TRDMT1: variants seen among roughly 807,000 people sequenced by gnomAD.
The protein encoded by TRDMT1 is tRNA (cytosine(38)-C(5))-methyltransferase.
Under a neutral mutation model 51.2 loss-of-function variants are expected in TRDMT1, and 49 were observed. The observed-to-expected ratio is 0.96, with a 90% CI of 0.76 to 1.21. The LOEUF (loss-of-function observed/expected upper bound fraction) is 1.21. Among genes scored for constraint, TRDMT1 ranks in the 50% most tolerant of loss-of-function variants. TRDMT1 has a pLI of 0.00. For synonymous variants in TRDMT1, 187 were observed against 164.6 expected (o/e 1.14, Z -1.04); for missense variants, 534 against 462.3 (o/e 1.16, Z -1.42).
At chr10:17,160,638 T>G (rs1840214942) in intron 5 of TRDMT1, among the ~76,000 whole-genome samples, 2 of 151,910 alleles carry the variant, frequency 1.3e-5, no homozygotes, top group South Asian at 4.1e-4. Flanking sequence ...GCCTGGCTAA[T>G]TTTTTTGTAT....
intron 1 of TRDMT1, among the ~76,000 whole-genome samples, chr10:17,187,545 C>T (rs1303005513): frequency 6.6e-6 from 1 of 152,096 alleles, no homozygotes; most frequent in Non-Finnish European, 1.5e-5. Context: ...TCCAAGGATA[C>T]AGTGGTGAAC....
chr10:17,157,540 A>G lies in TRDMT1; in HGVS notation c.788T>C (p.Val263Ala). The G allele has an allele frequency of 6.2e-7, 1 of 1,614,086 alleles. No homozygotes were observed. Among genetic ancestry groups the G allele is most frequent in the Non-Finnish European group, 8.5e-7 (1 of 1,179,948 alleles). Reference protein sequence around the residue: ...LKDFLEDDTDVNQYLLPPKSL... With the variant: ...LKDFLEDDTDANQYLLPPKSL... Reference sequence around the variant, plus strand: ...CTTTGGTGGTAAAAGATACTGGTTCACGTCAGTGTCATCTTCAAGAAAATC... The same window carrying G: ...CTTTGGTGGTAAAAGATACTGGTTCGCGTCAGTGTCATCTTCAAGAAAATC... Residue 263 changes from valine (V) to alanine (A), a missense_variant, in exon 8 of 11, where the codon GTG becomes GCG. By Grantham distance (64) the Val-to-Ala change is moderately conservative. Coordinates refer to ENST00000377799, the MANE Select transcript of TRDMT1 (RefSeq NM_004412.7).
In TRDMT1 at chr10:17,147,995, A is replaced by G; in HGVS notation, c.*1045T>C. ...CTGATTTTTAAGAAGAAAAATTTGAATTAAAATCTTGTAATATGATTTCTG... is the reference window on the plus strand; with the variant it reads ...CTGATTTTTAAGAAGAAAAATTTGAGTTAAAATCTTGTAATATGATTTCTG... On this transcript the variant is annotated 3_prime_UTR_variant, in exon 11 of 11. Coordinates refer to ENST00000377799, the MANE Select transcript of TRDMT1 (RefSeq NM_004412.7). 6 of 984,868 alleles carry G rather than the reference A, an allele frequency of 6.1e-6. No individual in the cohort carries two copies. The highest frequency in any genetic ancestry group is 7.2e-6 in the Non-Finnish European group (6 of 829,388). 61.0% of individuals were successfully genotyped at this position (984,868 alleles called of 1,614,324 possible). A position where few individuals can be genotyped will look rare whatever the true frequency, so the allele number is the denominator to read the frequency against.
chr10:17,144,825 T>A lies in TRDMT1; in HGVS notation c.*4215A>T. ...AAAAAATACTTTTTCTTTTTTTTTT[T>A]AAACTGAAGCTTTAAAATTTCACCA... On this transcript the variant is annotated 3_prime_UTR_variant, in exon 11 of 11. Coordinates refer to ENST00000377799, the MANE Select transcript of TRDMT1 (RefSeq NM_004412.7). 1.0e-6 allele frequency: 1 copy of A among 984,898 alleles called. No homozygotes were observed. The highest frequency in any genetic ancestry group is 1.2e-6 in the Non-Finnish European group (1 of 829,632). 61.0% of individuals were successfully genotyped at this position (984,898 alleles called of 1,614,324 possible). A position where few individuals can be genotyped will look rare whatever the true frequency, so the allele number is the denominator to read the frequency against.
chr10:17,150,493 A>C, intron 10 of TRDMT1: 1 of 985,402 alleles, frequency 1.0e-6, no homozygotes, highest in Non-Finnish European at 1.2e-6. Context: ...TATATGCTGG[A>C]AGAAGGCCTT....
chr10:17,173,613 G>A (rs762134694), intron 2 of TRDMT1, among the ~76,000 whole-genome samples: 3 of 152,070 alleles, frequency 2.0e-5, no homozygotes, highest in Non-Finnish European at 4.4e-5. Context: ...GATTGTGGTG[G>A]TAGTAGTTAC....
chr10:17,168,630 G>C (rs1466294643), intron 3 of TRDMT1, among the ~76,000 whole-genome samples: 1 of 152,122 alleles, frequency 6.6e-6, no homozygotes, highest in Non-Finnish European at 1.5e-5. Context: ...GTTCTATAAA[G>C]GGCAGTTTCC....
chr10:17,194,687 C>T (rs1361542156), intron 1 of TRDMT1, among the ~76,000 whole-genome samples: 1 of 152,120 alleles, frequency 6.6e-6, no homozygotes, highest in Non-Finnish European at 1.5e-5. Context: ...AATCCCAGCA[C>T]TTTGGGAGAA....
At position 17,148,683 on chromosome 10, in the gene TRDMT1, AAT is replaced by A. The variant is rs1273236190; in HGVS notation, c.*355_*356del. ...AAAAAACTTCTTTAATTAACATAAAAATATGTTATGCCTGTTATGACACTTCA... is the reference window on the plus strand; with the variant it reads ...AAAAAACTTCTTTAATTAACATAAAAATGTTATGCCTGTTATGACACTTCA... On this transcript the variant is annotated 3_prime_UTR_variant, in exon 11 of 11. Coordinates refer to ENST00000377799, the MANE Select transcript of TRDMT1 (RefSeq NM_004412.7). 1 of 976,820 alleles carries A rather than the reference AAT, an allele frequency of 1.0e-6. No homozygotes were observed. Among genetic ancestry groups the A allele is most frequent in the African/African-American group, 1.7e-5 (1 of 57,250 alleles). The allele number at this position is 976,820 out of a possible 1,614,324, so 60.5% of individuals were successfully genotyped here.
intron 1 of TRDMT1, chr10:17,201,229 C>CCGT: frequency 3.9e-6 from 1 of 256,162 alleles, no homozygotes; most frequent in Non-Finnish European, 7.5e-6. Flanking sequence ...TCGGTGGCTG[C>CCGT]ACACTTAGAA....
intron 5 of TRDMT1, 135 bp from the exon 6 acceptor site, chr10:17,160,509 T>C: frequency 4.2e-6 from 2 of 471,880 alleles, no homozygotes; most frequent in East Asian, 3.7e-5. Context: ...TCTCACTCTG[T>C]TGCCCAGGCT....
rs900537376 is a variant in TRDMT1, at chr10:17,143,461, T to C, written c.*5579A>G. 2 of 985,278 alleles carry C rather than the reference T, an allele frequency of 2.0e-6. No individual in the cohort carries two copies. Among genetic ancestry groups the C allele is most frequent in the Non-Finnish European group, 2.4e-6 (2 of 829,934 alleles). 61.0% of individuals were successfully genotyped at this position (985,278 alleles called of 1,614,324 possible). On this transcript the variant is annotated 3_prime_UTR_variant, in exon 11 of 11. Coordinates refer to ENST00000377799, the MANE Select transcript of TRDMT1 (RefSeq NM_004412.7). Reference sequence around the variant, plus strand: ...CAACTCATTTCTACTACACAAGGAGTATCACATTCCATTCAGTGTTTTCAG... The same window carrying C: ...CAACTCATTTCTACTACACAAGGAGCATCACATTCCATTCAGTGTTTTCAG...
intron 1 of TRDMT1, among the ~76,000 whole-genome samples, chr10:17,178,962 A>C (rs1417098660): frequency 6.6e-6 from 1 of 152,108 alleles, no homozygotes; most frequent in African/African-American, 2.4e-5. Context: ...ATATCTTAGG[A>C]GAATTTATTT....
chr10:17,137,998 A>C lies in TRDMT1; in HGVS notation c.*11042T>G. ...GATGTTCTTTTATCTTGAGTGCAATAATCCTTATGTGATATTTCTGCTAGG... is the reference window on the plus strand; with the variant it reads ...GATGTTCTTTTATCTTGAGTGCAATCATCCTTATGTGATATTTCTGCTAGG... On this transcript the variant is annotated 3_prime_UTR_variant, in exon 11 of 11. Coordinates refer to ENST00000377799, the MANE Select transcript of TRDMT1 (RefSeq NM_004412.7). Among the ~76,000 whole-genome samples the C allele has an allele frequency of 6.6e-6, 1 of 152,140 alleles. No individual in the cohort carries two copies. Among genetic ancestry groups the C allele is most frequent in the Non-Finnish European group, 1.5e-5 (1 of 68,024 alleles).
Position 17,162,247 on chromosome 10 carries a change from TAAAAA to T in TRDMT1, c.252-15_252-11del, listed in dbSNP as rs61159799. ...ACCCTGCCGGCCAATCCTAAAGGGG[TAAAAA>T]AAAAAAAAAACAAAAAAAAACACAG... On this transcript the variant is annotated splice_polypyrimidine_tract_variant and intron_variant, in intron 3 of 10. Coordinates refer to ENST00000377799, the MANE Select transcript of TRDMT1 (RefSeq NM_004412.7). 7.4e-7 allele frequency: 1 copy of T among 1,352,306 alleles called. No homozygotes were observed. The highest frequency in any genetic ancestry group is 1.0e-6 in the Non-Finnish European group (1 of 1,004,700). 83.8% of individuals were successfully genotyped at this position (1,352,306 alleles called of 1,614,324 possible).
Position 17,140,801 on chromosome 10 carries a change from ACTG to A in TRDMT1, c.*8236_*8238del, listed in dbSNP as rs1192193482. ...ATTAAAATGCTATTACTCTAACATA[ACTG>A]CTATCATTATTTTATTCCAATCTAT... On this transcript the variant is annotated 3_prime_UTR_variant, in exon 11 of 11. Coordinates refer to ENST00000377799, the MANE Select transcript of TRDMT1 (RefSeq NM_004412.7). Among the ~76,000 whole-genome samples the A allele has an allele frequency of 3.9e-5, 6 of 152,226 alleles. No individual in the cohort carries two copies. Among genetic ancestry groups the A allele is most frequent in the African/African-American group, 1.4e-4 (6 of 41,454 alleles).
intron 8 of TRDMT1, 67 bp from the exon 9 acceptor site, chr10:17,154,801 T>G (rs1839275594): frequency 2.2e-6 from 3 of 1,352,300 alleles, no homozygotes; most frequent in Admixed American, 2.0e-5. Context: ...TCTTAAATAT[T>G]TATTGAATGA....
intron 10 of TRDMT1, chr10:17,151,086 TG>T: frequency 1.2e-6 from 1 of 854,536 alleles, no homozygotes; most frequent in Non-Finnish European, 1.4e-6. Flanking sequence ...TTGCAGTTTT[TG>T]CCACTGAAAG....
rs981495911 is a variant in TRDMT1 at position 17,145,820 on chromosome 10, G to A, written c.*3220C>T. The A allele has an allele frequency of 5.1e-6, 5 of 985,356 alleles. No individual in the cohort carries two copies. Among genetic ancestry groups the A allele is most frequent in the Non-Finnish European group, 6.0e-6 (5 of 829,948 alleles). The allele number at this position is 985,356 out of a possible 1,614,324, so 61.0% of individuals were successfully genotyped here. On this transcript the variant is annotated 3_prime_UTR_variant, in exon 11 of 11. Coordinates refer to ENST00000377799, the MANE Select transcript of TRDMT1 (RefSeq NM_004412.7). ...GCTGGCCTGCAGAATGCATCCTTTA[G>A]TAGGTGCTTGATATTAGATGAAATG...
Sources: allele counts gnomAD v4.1 joint callset (sites outside exome capture counted in the v4.1 genomes callset), GRCh38; gene constraint gnomAD v4.1.1; transcripts MANE v1.5; gene names NCBI Gene and HGNC (gene_info 2026-07-23, HGNC 2026-07-21).